Variants in ARMC3 observed in about 807,000 individuals in gnomAD.
ARMC3 encodes armadillo repeat containing 3, also known as armadillo repeat-containing protein 3.
In ARMC3, 74 loss-of-function variants were observed where a neutral mutation model predicts 90.3. The observed-to-expected ratio is 0.82, with a 90% CI of 0.68 to 0.99. ARMC3 has a LOEUF of 0.99. ARMC3 is among the 50% of genes least tolerant of loss of function. The probability of loss-of-function intolerance (pLI) is 0.00; values close to 1 mark genes in which losing one functional copy is unlikely to be tolerated. For synonymous variants in ARMC3, 334 were observed against 361.8 expected, an observed-to-expected ratio of 0.92 and a Z score of 0.87; for missense variants, 958 against 1,042.8, an observed-to-expected ratio of 0.92 and a Z score of 1.12.
intron 7 of ARMC3, among the ~76,000 whole-genome samples, chr10:22,965,846 A>G (rs182498138): frequency 6.6e-6 from 1 of 152,252 alleles, no homozygotes; most frequent in Admixed American, 6.5e-5. Flanking sequence ...TTAAATTTCC[A>G]TGTTTGAAGT....
chr10:22,996,359 T>G (rs1836955856), intron 10 of ARMC3, among the ~76,000 whole-genome samples: 2 of 152,294 alleles, frequency 1.3e-5, no homozygotes, highest in South Asian at 4.1e-4. Context: ...GAAAGGAAAT[T>G]AAATGCTGAC....
intron 4 of ARMC3, 151 bp downstream of exon 4, chr10:22,956,083 T>A: frequency 1.4e-6 from 1 of 721,128 alleles, no homozygotes; most frequent in Non-Finnish European, 2.1e-6. Context: ...AGCAAATGTG[T>A]GATTTCACAT....
chr10:23,003,464 C>G, intron 13 of ARMC3, 50 bp downstream of exon 13: 12 of 1,406,558 alleles, frequency 8.5e-6, no homozygotes, highest in Non-Finnish European at 1.1e-5. Context: ...AATAATTTTT[C>G]TTTAATCCTG....
At chr10:22,973,893 G>A (rs1459921439) in intron 8 of ARMC3, among the ~76,000 whole-genome samples, 1 of 150,520 alleles carries the variant, frequency 6.6e-6, no homozygotes, top group African/African-American at 2.4e-5. Flanking sequence ...CTAGTAGCTG[G>A]GTCTACAGGT....
intron 1 of ARMC3, among the ~76,000 whole-genome samples, chr10:22,931,651 G>C (rs1294824144): frequency 6.6e-6 from 1 of 152,196 alleles, no homozygotes; most frequent in African/African-American, 2.4e-5. Context: ...GGTCTCAAAA[G>C]TAACTTGGTG....
chr10:23,029,412 G>A (rs1838832806), intron 16 of ARMC3, among the ~76,000 whole-genome samples: 1 of 152,152 alleles, frequency 6.6e-6, no homozygotes, highest in African/African-American at 2.4e-5. Context: ...TTTTGTGACT[G>A]TATTCAATGG....
Position 23,037,610 on chromosome 10 carries a change from G to T in ARMC3, c.*131G>T. 1.1e-6 allele frequency: 1 copy of T among 887,986 alleles called. No individual in the cohort carries two copies. The highest frequency in any genetic ancestry group is 1.6e-6 in the Non-Finnish European group (1 of 628,274). The allele number at this position is 887,986 out of a possible 1,614,324, so 55.0% of individuals were successfully genotyped here. A position where few individuals can be genotyped will look rare whatever the true frequency, so the allele number is the denominator to read the frequency against. On this transcript the variant is annotated 3_prime_UTR_variant, in exon 19 of 19. Coordinates refer to ENST00000298032, the MANE Select transcript of ARMC3 (RefSeq NM_173081.5). ...AAAGTATTAGAAATGTTTTCTCTGC[G>T]TAGAAATTAGGAAGCTTGGAGTGAA...
Position 23,014,043 on chromosome 10 carries a change from A to C in ARMC3, c.2045+5112A>C. Reference sequence around the variant, plus strand: ...AGAACAAATATAAACAAATGAGAATAATTATTCCTTCTTTGTACTGTCTTC... The same window carrying C: ...AGAACAAATATAAACAAATGAGAATCATTATTCCTTCTTTGTACTGTCTTC... On this transcript the variant is annotated intron_variant, in intron 16 of 18. Transcript: ENST00000298032. 3 of 1,530,614 alleles carry C rather than the reference A, an allele frequency of 2.0e-6. No homozygotes were observed. In the Admixed American group the frequency reaches 5.9e-5, roughly 30 times the overall value. 94.8% of individuals were successfully genotyped at this position (1,530,614 alleles called of 1,614,324 possible). A position where few individuals can be genotyped will look rare whatever the true frequency, so the allele number is the denominator to read the frequency against.
chr10:23,007,177 A>G (rs534593198), intron 14 of ARMC3, among the ~76,000 whole-genome samples, 196 bp downstream of exon 14: 2 of 152,278 alleles, frequency 1.3e-5, no homozygotes, highest in Admixed American at 1.3e-4. Flanking sequence ...CTGCAAATCA[A>G]TGCACTCTCT....
chr10:23,015,500 G>A (rs1314912236), intron 16 of ARMC3, among the ~76,000 whole-genome samples: 4 of 150,954 alleles, frequency 2.6e-5, no homozygotes, highest in African/African-American at 9.9e-5. Context: ...TTTGTATTCA[G>A]ACCAGTTTTC....
At chr10:23,006,802 T>G in intron 13 of ARMC3, 82 bp from the exon 14 acceptor site, 1 of 1,120,076 alleles carries the variant, frequency 8.9e-7, no homozygotes, top group Admixed American at 1.7e-5. Context: ...CGCAAACAGC[T>G]GAGAATATAT....
At chr10:23,008,627 G>A (rs1338729729) in intron 15 of ARMC3, among the ~76,000 whole-genome samples, 188 bp from the exon 16 acceptor site, 4 of 152,174 alleles carry the variant, frequency 2.6e-5, no homozygotes, top group East Asian at 1.9e-4. Flanking sequence ...TGTGGGTTTC[G>A]TTTCCTTAGC....
chr10:23,001,716 AG>A (rs150951818), intron 11 of ARMC3, among the ~76,000 whole-genome samples: 1 of 152,316 alleles, frequency 6.6e-6, no homozygotes, highest in East Asian at 1.9e-4. Context: ...ATACTTTCCC[AG>A]GGCCCGAAAA....
At chr10:23,000,491 G>A (rs1837229629) in intron 11 of ARMC3, among the ~76,000 whole-genome samples, 1 of 152,070 alleles carries the variant, frequency 6.6e-6, no homozygotes, top group Admixed American at 6.6e-5. Context: ...TTAGGGAAGG[G>A]AACTGAGATT....
intron 18 of ARMC3, among the ~76,000 whole-genome samples, chr10:23,034,825 G>T (rs1469245102): frequency 6.6e-6 from 1 of 152,086 alleles, no homozygotes; most frequent in Non-Finnish European, 1.5e-5. Flanking sequence ...TATGTACTTT[G>T]CAGGGTGAGG....
intron 3 of ARMC3, among the ~76,000 whole-genome samples, chr10:22,952,920 A>G (rs1834791884): frequency 6.6e-6 from 1 of 152,228 alleles, no homozygotes; most frequent in Admixed American, 6.5e-5. Context: ...TAGAAAAATA[A>G]CCCCAAAATA....
intron 16 of ARMC3, among the ~76,000 whole-genome samples, chr10:23,025,863 A>G (rs1298753180): frequency 1.3e-5 from 2 of 152,154 alleles, no homozygotes; most frequent in Non-Finnish European, 2.9e-5. Context: ...TTAATCAAAG[A>G]CAGAGGACAC....
intron 2 of ARMC3, among the ~76,000 whole-genome samples, chr10:22,943,441 A>T (rs756545100): frequency 4.2e-4 from 64 of 152,148 alleles, no homozygotes; most frequent in Non-Finnish European, 6.0e-4. Context: ...TCTATTAAAT[A>T]CACATTTTAA....
chr10:23,000,217 G>A (rs1588898567), intron 11 of ARMC3, among the ~76,000 whole-genome samples: 1 of 152,012 alleles, frequency 6.6e-6, no homozygotes, highest in Non-Finnish European at 1.5e-5. Context: ...CTACACTCCA[G>A]AAATGCCACA....
Sources: allele counts gnomAD v4.1 joint callset (sites outside exome capture counted in the v4.1 genomes callset), GRCh38; gene constraint gnomAD v4.1.1; transcripts MANE v1.5; gene names NCBI Gene and HGNC (gene_info 2026-07-23, HGNC 2026-07-21).